The following LYPD8 variants were observed in gnomAD, a reference collection of about 807,000 sequenced individuals.
LYPD8 encodes LY6/PLAUR domain containing 8.
A neutral mutation model predicts 1.7 loss-of-function variants in LYPD8; 8 were observed. That is an observed-to-expected ratio of 4.58 (90% CI 2.69 to 8.27). The LOEUF (loss-of-function observed/expected upper bound fraction) is 8.27, where lower values mean the gene tolerates loss of function less well. Ranked by LOEUF, LYPD8 falls within the 30% of genes most tolerant of loss-of-function variation. The pLI is 0.00. For missense variants in LYPD8, 112 were observed against 102.3 expected, an observed-to-expected ratio of 1.09 and a Z score of -0.41; for synonymous variants, 50 against 43.6, an observed-to-expected ratio of 1.15 and a Z score of -0.58.
chr1:248,750,945 C>T, intron 3 of LYPD8, 85 bp downstream of exon 3: 1 of 398,514 alleles, frequency 2.5e-6, no homozygotes, highest in Non-Finnish European at 4.4e-6. Flanking sequence ...CATGTGAGGC[C>T]CTCGGGGATT....
intron 4 of LYPD8, among the ~76,000 whole-genome samples, 178 bp from the exon 5 acceptor site, chr1:248,748,631 G>T (rs1241881857): frequency 6.6e-6 from 1 of 152,176 alleles, no homozygotes; most frequent in Non-Finnish European, 1.5e-5. Flanking sequence ...TTCCCATCGG[G>T]TAACCCCTCC....
intron 2 of LYPD8, among the ~76,000 whole-genome samples, chr1:248,751,430 T>G (rs952684658): frequency 0.012 from 1,890 of 152,268 alleles, 37 homozygotes; most frequent in African/African-American, 0.042. Context: ...GTTTCACTTT[T>G]GGGATGGGGT....
intron 2 of LYPD8, among the ~76,000 whole-genome samples, chr1:248,753,242 CCCCACACAACACACACCGCAT>C (rs2103173956): frequency 9.8e-6 from 1 of 101,576 alleles, no homozygotes; most frequent in Non-Finnish European, 2.0e-5. Context: ...ACACCACACA[CCCCACACAACACACACCGCAT>C]CACACACACA....
In LYPD8 at chr1:248,748,299, G is replaced by A. The variant is rs892725051; in HGVS notation, c.327C>T (p.Ser109=). 8.7e-5 allele frequency: 41 copies of A among 469,738 alleles called. 1 individual carries two copies. The South Asian group carries it at 1.7e-3, about 19-fold the overall frequency. The allele number at this position is 469,738 out of a possible 1,614,324, so 29.1% of individuals were successfully genotyped here. A position where few individuals can be genotyped will look rare whatever the true frequency, so the allele number is the denominator to read the frequency against. The stretch of plus-strand genomic sequence containing the variant: ...ACGGCCAGCACCCACCCAGGGCATC[G>A]CTGGTGTTGCTGCATTCCTTTCCTT... ...CCQGKECSNT[S]DALDPPLKNV... Residue 109 remains serine, a synonymous_variant, in exon 5 of 7, where the codon AGC becomes AGT. Coordinates refer to ENST00000590317, the MANE Select transcript of LYPD8 (RefSeq NM_001085474.2).
intron 2 of LYPD8, among the ~76,000 whole-genome samples, chr1:248,752,473 T>A (rs1662814481): frequency 6.8e-6 from 1 of 147,722 alleles, no homozygotes; most frequent in Admixed American, 6.7e-5. Flanking sequence ...TACTCCCACC[T>A]CACCACACAC....
intron 1 of LYPD8, 98 bp from the exon 2 acceptor site, chr1:248,755,484 G>A (rs1198327911): frequency 6.5e-6 from 1 of 152,760 alleles, no homozygotes; most frequent in Non-Finnish European, 1.5e-5. Flanking sequence ...CACAGTAGCA[G>A]ATGGCAAAAC....
intron 2 of LYPD8, among the ~76,000 whole-genome samples, chr1:248,753,649 T>TAC (rs1198471837): frequency 0.013 from 700 of 55,398 alleles, 21 homozygotes; most frequent in East Asian, 0.036. Context: ...CACATATACA[T>TAC]CACACACCAC....
intron 5 of LYPD8, among the ~76,000 whole-genome samples, chr1:248,746,535 G>A (rs1490901538): frequency 6.6e-6 from 1 of 152,108 alleles, no homozygotes; most frequent in Non-Finnish European, 1.5e-5. Context: ...AGAGGACACA[G>A]GAAGGCAGGA....
Position 248,753,566 on chromosome 1 carries a change from A to C in LYPD8, c.-50+1673T>G, listed in dbSNP as rs1490385725. 2.2e-3 allele frequency among the ~76,000 whole-genome samples: 247 copies of C among 113,896 alleles called. 2 individuals carry two copies. Among genetic ancestry groups the C allele is most frequent in the East Asian group, 4.1e-3 (12 of 2,940 alleles). 74.7% of individuals were successfully genotyped at this position (113,896 alleles called of 152,430 possible). On this transcript the variant is annotated intron_variant, in intron 2 of 6. Transcript: ENST00000590317. ...ATCACACAAAACACATCACACACAC[A>C]ACACACACCCCACACAACACACACA...
At chr1:248,740,266 G>A (rs1455372697) in intron 6 of LYPD8, among the ~76,000 whole-genome samples, 2 of 152,192 alleles carry the variant, frequency 1.3e-5, no homozygotes, top group Middle Eastern at 3.2e-3. Context: ...GGACTTCCCT[G>A]TCCCCTTCCA....
At chr1:248,751,930 C>CT (rs1662807941) in intron 2 of LYPD8, among the ~76,000 whole-genome samples, 1 of 152,060 alleles carries the variant, frequency 6.6e-6, no homozygotes, top group Non-Finnish European at 1.5e-5. Flanking sequence ...TGAGTTAGGC[C>CT]TTTGAGGATT....
At chr1:248,754,737 A>C (rs1662895357) in intron 2 of LYPD8, among the ~76,000 whole-genome samples, 1 of 152,132 alleles carries the variant, frequency 6.6e-6, no homozygotes, top group South Asian at 2.1e-4. Flanking sequence ...CATGATGCCA[A>C]TGACCCCACC....
intron 4 of LYPD8, among the ~76,000 whole-genome samples, chr1:248,750,086 T>G (rs1480293642): frequency 6.6e-6 from 1 of 152,160 alleles, no homozygotes; most frequent in East Asian, 1.9e-4. Flanking sequence ...CTAAGTGCTC[T>G]GAGAAAGAGG....
At chr1:248,742,846 G>A (rs113085462) in intron 6 of LYPD8, among the ~76,000 whole-genome samples, 1 of 110,282 alleles carries the variant, frequency 9.1e-6, no homozygotes, top group Admixed American at 9.1e-5. Flanking sequence ...TGTTGGCAGC[G>A]GGGGAGGTTA....
intron 2 of LYPD8, among the ~76,000 whole-genome samples, chr1:248,752,801 CCCACA>C (rs1662831980): frequency 2.0e-5 from 2 of 99,842 alleles, no homozygotes; most frequent in African/African-American, 4.3e-5. Context: ...CACACCACAC[CCCACA>C]ACACACACAC....
chr1:248,742,103 A>G (rs1362176758), intron 6 of LYPD8, among the ~76,000 whole-genome samples: 1 of 152,266 alleles, frequency 6.6e-6, no homozygotes, highest in African/African-American at 2.4e-5. Context: ...GTAAGCTATC[A>G]ACTTTGGGTG....
intron 2 of LYPD8, among the ~76,000 whole-genome samples, chr1:248,752,165 A>G (rs1662810729): frequency 2.0e-5 from 3 of 152,064 alleles, no homozygotes; most frequent in African/African-American, 7.3e-5. Context: ...AGCACTGGCT[A>G]CATTCCCAAT....
chr1:248,743,116 G>T (rs1396355201), intron 6 of LYPD8, among the ~76,000 whole-genome samples: 2 of 151,882 alleles, frequency 1.3e-5, no homozygotes, highest in Non-Finnish European at 2.9e-5. Flanking sequence ...GCCCAATTTT[G>T]CTGTGAATCT....
Position 248,753,310 on chromosome 1 carries a change from CCA to C in LYPD8, c.-50+1927_-50+1928del, listed in dbSNP as rs1662860232. 5.7e-5 allele frequency among the ~76,000 whole-genome samples: 6 copies of C among 104,968 alleles called. 1 individual carries two copies. The highest frequency in any genetic ancestry group is 2.4e-4 in the African/African-American group (6 of 25,142). The allele number at this position is 104,968 out of a possible 152,430, so 68.9% of individuals were successfully genotyped here. A position where few individuals can be genotyped will look rare whatever the true frequency, so the allele number is the denominator to read the frequency against. Reference sequence around the variant, plus strand: ...ACACACACCACACACACCACACACCCCACACAACACACAACACATCACACACA... The same window carrying C: ...ACACACACCACACACACCACACACCCCACAACACACAACACATCACACACA... On this transcript the variant is annotated intron_variant, in intron 2 of 6. Transcript: ENST00000590317.
Sources: gnomAD v4.1 joint callset for allele counts (sites outside exome capture counted in the v4.1 genomes callset) on GRCh38, gnomAD v4.1.1 for gene constraint, MANE v1.5 for transcripts, NCBI Gene and HGNC (gene_info 2026-07-23, HGNC 2026-07-21) for gene names.